The following HPS4 variants were observed in gnomAD, a reference collection of about 807,000 sequenced individuals.
HPS4 encodes the protein BLOC-3 complex member HPS4.
HPS4 carries 44 observed loss-of-function variants against 70.3 expected under a neutral mutation model. The ratio of observed to expected loss-of-function variants is 0.63; its 90% CI spans 0.49 to 0.80. The LOEUF (loss-of-function observed/expected upper bound fraction) is 0.80. Among genes scored for constraint, HPS4 ranks in the 30% least tolerant of loss-of-function variants. The pLI is 0.00. For missense variants in HPS4, 873 were observed against 884.4 expected, an observed-to-expected ratio of 0.99 and a Z score of 0.16; for synonymous variants, 377 against 355.9, an observed-to-expected ratio of 1.06 and a Z score of -0.67.
chr22:26,468,478 C>T (rs557988080), intron 8 of HPS4, 73 bp downstream of exon 8: 1 of 1,320,962 alleles, frequency 7.6e-7, no homozygotes, highest in East Asian at 2.4e-5. Context: ...TGCTCCTGAT[C>T]CCTCCAGCCT....
At chr22:26,480,435 T>C (rs1170141502) in intron 2 of HPS4, among the ~76,000 whole-genome samples, 2 of 152,112 alleles carry the variant, frequency 1.3e-5, no homozygotes, top group African/African-American at 4.8e-5. Flanking sequence ...CCTCCCAAAG[T>C]GCTGGAATTA....
intron 6 of HPS4, 158 bp from the exon 7 acceptor site, chr22:26,470,971 G>C: frequency 6.8e-7 from 1 of 1,475,556 alleles, no homozygotes; most frequent in East Asian, 2.5e-5. Flanking sequence ...CATGGCTTGG[G>C]ACTATTCTAC....
rs1240842668 is a variant in HPS4 at position 26,452,693 on chromosome 22, G to A, written c.*540C>T. ...AACCAAGTGGTCTCCGTGTGCTGCC[G>A]CTTCCCTGCAGGAACGATCCGGACC... On this transcript the variant is annotated 3_prime_UTR_variant, in exon 14 of 14. Transcript: ENST00000398145. 3 of 241,328 alleles carry A rather than the reference G, an allele frequency of 1.2e-5. No individual in the cohort carries two copies. The highest frequency in any genetic ancestry group is 1.7e-5 in the Non-Finnish European group (2 of 120,998). The allele number at this position is 241,328 out of a possible 1,614,324, so 14.9% of individuals were successfully genotyped here.
intron 11 of HPS4, 146 bp downstream of exon 11, chr22:26,463,771 G>T: frequency 2.4e-6 from 2 of 838,236 alleles, no homozygotes; most frequent in Non-Finnish European, 3.8e-6. Flanking sequence ...TACCTCCATC[G>T]TCTAAACAAG....
intron 4 of HPS4, among the ~76,000 whole-genome samples, chr22:26,474,092 C>T (rs574655160): frequency 2.2e-4 from 34 of 152,228 alleles, no homozygotes; most frequent in South Asian, 1.9e-3. Context: ...ACTGATTGTA[C>T]AATGAAAACA....
At chr22:26,443,118 G>T (rs138986249), downstream of HPS4, 2 of 1,614,040 alleles carry the variant, frequency 1.2e-6, no homozygotes, top group African/African-American at 1.3e-5. Flanking sequence ...GATGGCCCAC[G>T]GGTGGTTTTC....
intron 2 of HPS4, 107 bp from the exon 3 acceptor site, chr22:26,479,462 G>C: frequency 6.5e-7 from 1 of 1,526,744 alleles, no homozygotes; most frequent in Non-Finnish European, 8.8e-7. Flanking sequence ...TACTGTGTTT[G>C]AAAGCCTTCA....
At position 26,482,016 on chromosome 22, in the gene HPS4, A is replaced by AAGT; in HGVS notation, c.-255_-254insACT. The AAGT allele has an allele frequency of 8.2e-6, 4 of 489,752 alleles. No individual in the cohort carries two copies. The allele number at this position is 489,752 out of a possible 1,614,324, so 30.3% of individuals were successfully genotyped here. On this transcript the variant is annotated 5_prime_UTR_variant, in exon 2 of 14. Coordinates refer to ENST00000398145, the MANE Select transcript of HPS4 (RefSeq NM_022081.6). ...ACAACTCAGGGAGAAACTATAACAG[A>AAGT]GAATCCTAGCAGAAAAGTCAAATCC... is the stretch of plus-strand genomic sequence containing the variant.
intron 11 of HPS4, among the ~76,000 whole-genome samples, chr22:26,459,643 C>T (rs2086854730): frequency 6.6e-6 from 1 of 152,104 alleles, no homozygotes; most frequent in Non-Finnish European, 1.5e-5. Context: ...TTTGCAGTTC[C>T]CAGGTAAAAA....
chr22:26,479,271 A>AGGAT lies in HPS4; in HGVS notation c.122_125dup (p.Gln44PhefsTer24), dbSNP rs1165675262. 6.2e-7 allele frequency: 1 copy of AGGAT among 1,614,180 alleles called. No homozygotes were observed. Among genetic ancestry groups the AGGAT allele is most frequent in the Non-Finnish European group, 8.5e-7 (1 of 1,180,020 alleles). Reference sequence around the variant, plus strand: ...AAAATGCTGTGTGGCTTACCTGGGAAGGATAAAAGTAACAAATGCCAGCTC... The same window carrying AGGAT: ...AAAATGCTGTGTGGCTTACCTGGGAAGGATGGATAAAAGTAACAAATGCCAGCTC... On this transcript the variant is annotated frameshift_variant, in exon 3 of 14. Coordinates refer to ENST00000398145, the MANE Select transcript of HPS4 (RefSeq NM_022081.6). LOFTEE classifies it high-confidence loss of function.
intron 11 of HPS4, 105 bp from the exon 12 acceptor site, chr22:26,458,682 C>G: frequency 1.5e-6 from 2 of 1,313,782 alleles, no homozygotes; most frequent in South Asian, 1.3e-5. Context: ...TCCAGCCAGG[C>G]ACGGTGGCTC....
rs2091562241 is a variant in HPS4 at position 26,483,660 on chromosome 22, C to G, written c.-479+14G>C. 1 of 370,186 alleles carries G rather than the reference C, an allele frequency of 2.7e-6. No homozygotes were observed. Among genetic ancestry groups the G allele is most frequent in the African/African-American group, 2.1e-5 (1 of 47,228 alleles). The allele number at this position is 370,186 out of a possible 1,614,324, so 22.9% of individuals were successfully genotyped here. A position where few individuals can be genotyped will look rare whatever the true frequency, so the allele number is the denominator to read the frequency against. ...CCCCTCGGTATCCCCGCGCTCCGAG[C>G]GCCGCCCACCCACCGGAGTAGCCAG... is the stretch of plus-strand genomic sequence containing the variant. On this transcript the variant is annotated intron_variant, in intron 1 of 13. Transcript: ENST00000398145.
rs1435300150 is a variant in HPS4, at chr22:26,472,723, C to A, written c.384+109G>T. 3.3e-6 allele frequency: 3 copies of A among 906,460 alleles called. No individual in the cohort carries two copies. In the African/African-American group the frequency reaches 4.9e-5, roughly 15 times the overall value. The allele number at this position is 906,460 out of a possible 1,614,324, so 56.2% of individuals were successfully genotyped here. On this transcript the variant is annotated intron_variant, in intron 5 of 13. Transcript: ENST00000398145. ...GAGCTCCTGACCTTGTCCCCAGACA[C>A]AATGTGTTTATATGAAGTATACAAG...
chr22:26,475,875 C>G (rs2090477993), intron 4 of HPS4: 1 of 152,006 alleles, frequency 6.6e-6, no homozygotes, highest in Admixed American at 6.6e-5. Flanking sequence ...AACCCTGCCT[C>G]TAGAAAAAGT....
At chr22:26,476,953 C>T in intron 4 of HPS4, 40 bp downstream of exon 4, 1 of 1,609,448 alleles carries the variant, frequency 6.2e-7, no homozygotes, top group Non-Finnish European at 8.5e-7. Flanking sequence ...CTAAACTTAT[C>T]ATTGCAACAC....
chr22:26,472,713 T>C, intron 5 of HPS4, 119 bp downstream of exon 5: 1 of 867,480 alleles, frequency 1.2e-6, no homozygotes, highest in Non-Finnish European at 2.0e-6. Flanking sequence ...CCTGACCTTG[T>C]CCCCAGACAC....
At chr22:26,458,399 A>G (rs1206934444) in intron 12 of HPS4, 46 bp downstream of exon 12, 1 of 1,611,758 alleles carries the variant, frequency 6.2e-7, no homozygotes, top group Admixed American at 1.7e-5. Context: ...CCACCCATCT[A>G]GAATCTGGCA....
chr22:26,474,734 T>TA (rs1236884464), intron 4 of HPS4, among the ~76,000 whole-genome samples: 1 of 151,738 alleles, frequency 6.6e-6, no homozygotes, highest in East Asian at 1.9e-4. Context: ...ACAATTCAAT[T>TA]AAAAAAATAA....
intron 11 of HPS4, among the ~76,000 whole-genome samples, chr22:26,461,944 T>C (rs2087366897): frequency 6.6e-6 from 1 of 151,940 alleles, no homozygotes; most frequent in South Asian, 2.1e-4. Context: ...CTGACCAACA[T>C]GGAGAAACCC....
Sources: allele counts gnomAD v4.1 joint callset (sites outside exome capture counted in the v4.1 genomes callset), GRCh38; gene constraint gnomAD v4.1.1; transcripts MANE v1.5; gene names NCBI Gene and HGNC (gene_info 2026-07-23, HGNC 2026-07-21).